UNC45A: variants seen among roughly 807,000 people sequenced by gnomAD.
The protein encoded by UNC45A is protein unc-45 homolog A.
A neutral mutation model predicts 103.2 loss-of-function variants in UNC45A; 78 were observed. That is an observed-to-expected ratio of 0.76 (90% CI 0.63 to 0.91). The LOEUF is 0.91. UNC45A is among the 40% of genes least tolerant of loss of function. The pLI, the probability that UNC45A is intolerant of heterozygous loss-of-function variation, is 0.00. For missense variants in UNC45A, 1,193 were observed against 1,224.8 expected (o/e 0.97, Z 0.39); for synonymous variants, 495 against 504.6 (o/e 0.98, Z 0.25).
At chr15:90,935,829 G>A in intron 2 of UNC45A, 117 bp from the exon 3 acceptor site, 1 of 1,554,632 alleles carries the variant, frequency 6.4e-7, no homozygotes, top group Non-Finnish European at 8.7e-7. Context: ...GATGTTTTTT[G>A]CACCTCAGGG....
At position 90,949,638 on chromosome 15, in the gene UNC45A, C is replaced by T. The variant is rs766402643; in HGVS notation, c.2007-16C>T. 18 of 1,613,768 alleles carry T rather than the reference C, an allele frequency of 1.1e-5. No homozygotes were observed. The highest frequency in any genetic ancestry group is 2.7e-5 in the African/African-American group (2 of 74,890). ...AGTCCCAGAGCTGCCTGCCCACCAC[C>T]GCCTTCTCCCCACAGGGTCTTCTTG... On this transcript the variant is annotated splice_polypyrimidine_tract_variant and intron_variant, in intron 14 of 19. Coordinates refer to ENST00000418476, the MANE Select transcript of UNC45A (RefSeq NM_018671.5).
At chr15:90,952,108 G>A (rs2036947688) in intron 17 of UNC45A, 1 of 152,308 alleles carries the variant, frequency 6.6e-6, no homozygotes, top group Non-Finnish European at 1.5e-5. Flanking sequence ...CATTGCCAAG[G>A]GAAATCCTCA....
intron 5 of UNC45A, 45 bp from the exon 6 acceptor site, chr15:90,940,261 T>C (rs1343764202): frequency 6.3e-7 from 1 of 1,578,136 alleles, no homozygotes; most frequent in Non-Finnish European, 8.6e-7. Flanking sequence ...CTGCATCCTA[T>C]GCCGTGTGCA....
chr15:90,938,683 A>G (rs765978538), intron 4 of UNC45A, among the ~76,000 whole-genome samples: 121 of 151,788 alleles, frequency 8.0e-4, no homozygotes, highest in African/African-American at 2.3e-3. Context: ...TTATTTATTT[A>G]TTTGTTTGTT....
intron 3 of UNC45A, 105 bp from the exon 4 acceptor site, chr15:90,936,179 TC>T (rs1421474771): frequency 1.3e-6 from 2 of 1,527,390 alleles, no homozygotes; most frequent in Non-Finnish European, 1.8e-6. Flanking sequence ...AGCCCCACAT[TC>T]GTCCCCCCCA....
chr15:90,936,662 C>G (rs974541926), intron 4 of UNC45A, among the ~76,000 whole-genome samples: 1 of 152,172 alleles, frequency 6.6e-6, no homozygotes, highest in Admixed American at 6.5e-5. Flanking sequence ...GTACACTTTT[C>G]GAGAAGGAGA....
In UNC45A at chr15:90,946,864, G is replaced by T; in HGVS notation, c.1450G>T (p.Asp484Tyr). ...ITANGVSLLK[D>Y]LYKCSEKDSI... ...TGCCAATGGTGTCTCGCTGCTGAAGGACCTATATAAGTGCAGCGAGAAGGA... is the reference window on the plus strand; with the variant it reads ...TGCCAATGGTGTCTCGCTGCTGAAGTACCTATATAAGTGCAGCGAGAAGGA... The change falls in exon 10 of 20, where the codon GAC becomes TAC. Residue 484 changes from aspartate to tyrosine, a missense_variant. By Grantham distance (160) the Asp-to-Tyr change is radical. Transcript: ENST00000418476. 6.6e-7 allele frequency: 1 copy of T among 1,513,460 alleles called. No homozygotes were observed. Among genetic ancestry groups the T allele is most frequent in the South Asian group, 1.1e-5 (1 of 90,116 alleles). 93.8% of individuals were successfully genotyped at this position (1,513,460 alleles called of 1,614,324 possible).
intron 7 of UNC45A, 117 bp from the exon 8 acceptor site, chr15:90,942,795 G>C: frequency 6.7e-7 from 1 of 1,494,194 alleles, no homozygotes; most frequent in Non-Finnish European, 9.1e-7. Flanking sequence ...AGCTCAGTCT[G>C]GAGCCTGGGA....
chr15:90,950,098 T>C (rs1367924459), intron 15 of UNC45A, 56 bp from the exon 16 acceptor site: 2 of 1,514,212 alleles, frequency 1.3e-6, no homozygotes, highest in East Asian at 2.5e-5. Flanking sequence ...GGGAGCCCGA[T>C]GGTCGGGGTC....
intron 14 of UNC45A, 41 bp downstream of exon 14, chr15:90,949,484 G>A (rs747533941): frequency 1.2e-6 from 2 of 1,610,082 alleles, no homozygotes; most frequent in Non-Finnish European, 1.7e-6. Flanking sequence ...CCCAACTCCT[G>A]AGCCTCAGGG....
At chr15:90,944,625 A>T (rs1202695471) in intron 8 of UNC45A, among the ~76,000 whole-genome samples, 2 of 152,080 alleles carry the variant, frequency 1.3e-5, no homozygotes, top group East Asian at 3.9e-4. Flanking sequence ...AGTTTTACAG[A>T]TGAGGAACCT....
chr15:90,940,631 G>T (rs73494529), intron 6 of UNC45A, 158 bp downstream of exon 6: 1 of 881,506 alleles, frequency 1.1e-6, no homozygotes, highest in African/African-American at 1.7e-5. Context: ...AAAGAACTTA[G>T]GTAGGTTATG....
At position 90,948,276 on chromosome 15, in the gene UNC45A, T is replaced by G; in HGVS notation, c.1730T>G (p.Leu577Arg). The G allele has an allele frequency of 1.9e-6, 3 of 1,613,780 alleles. No homozygotes were observed. The highest frequency in any genetic ancestry group is 2.5e-6 in the Non-Finnish European group (3 of 1,180,036). The change falls in exon 12 of 20, where the codon CTC becomes CGC. Residue 577 changes from leucine to arginine, a missense_variant. By Grantham distance (102) the Leu-to-Arg change is moderately radical. Transcript: ENST00000418476. ...DAAALKALFQLSRLEERSVLF... is the reference protein window; with the variant it reads ...DAAALKALFQRSRLEERSVLF... ...GCTGCTCTGAAAGCTCTGTTCCAGC[T>G]CAGCAGGGTAGCTCTGTGGTTCCTG...
At chr15:90,932,739 C>A (rs2035850069), upstream of UNC45A, 1 of 396,904 alleles carries the variant, frequency 2.5e-6, no homozygotes, top group Non-Finnish European at 4.4e-6. Context: ...GCATCGCAGC[C>A]CCCAGCTCAG....
In UNC45A at chr15:90,942,458, C is replaced by A; in HGVS notation, c.709C>A (p.Leu237Met). 2 of 1,613,502 alleles carry A rather than the reference C, an allele frequency of 1.2e-6. No individual in the cohort carries two copies. The highest frequency in any genetic ancestry group is 1.7e-6 in the Non-Finnish European group (2 of 1,179,704). Residue 237 changes from leucine to methionine, a missense_variant, in exon 7 of 20, where the codon CTG (leucine) becomes ATG (methionine). Leu to Met is a conservative substitution (Grantham distance 15, BLOSUM62 2). Coordinates refer to ENST00000418476, the MANE Select transcript of UNC45A (RefSeq NM_018671.5). ...QSRTVATLSILGTRRVVSILG... is the reference protein window; with the variant it reads ...QSRTVATLSIMGTRRVVSILG... ...CCAGACAGTGGCAACCCTGAGCATA[C>A]TGGGAACTCGGCGAGTAGTCTCCAT...
upstream of UNC45A, chr15:90,932,275 T>C (rs1212754161): frequency 2.4e-6 from 2 of 844,036 alleles, no homozygotes; most frequent in Non-Finnish European, 3.6e-6. Context: ...GGAACGATCA[T>C]GCCTACCGTT....
At chr15:90,951,749 C>A (rs1167657820) in intron 17 of UNC45A, among the ~76,000 whole-genome samples, 1 of 152,032 alleles carries the variant, frequency 6.6e-6, no homozygotes, top group African/African-American at 2.4e-5. Flanking sequence ...TACCCCTGAA[C>A]TTAACAGTTG....
chr15:90,936,395 T>C lies in UNC45A; in HGVS notation c.361T>C (p.Leu121=). The C allele has an allele frequency of 1.2e-6, 2 of 1,614,184 alleles. No homozygotes were observed. The highest frequency in any genetic ancestry group is 1.3e-5 in the African/African-American group (1 of 75,048). Residue 121 remains leucine (L), a synonymous_variant, in exon 4 of 20, where the codon TTG becomes CTG. Transcript: ENST00000418476. ...AVLDLQRCVS[L]EPKNKVFQEA... is the part of the protein sequence containing the mutation. ...CCTTGACCTGCAGAGATGTGTGAGC[T>C]TGGAGCCCAAGAACAAAGTTTTCCA...
chr15:90,947,433 CTG>C (rs983059468), intron 10 of UNC45A: 20 of 296,104 alleles, frequency 6.8e-5, no homozygotes, highest in African/African-American at 3.2e-4. Flanking sequence ...AAGGATTTGG[CTG>C]TGGCTGAAGC....
Sources: allele counts gnomAD v4.1 joint callset (sites outside exome capture counted in the v4.1 genomes callset), GRCh38; gene constraint gnomAD v4.1.1; transcripts MANE v1.5; gene names NCBI Gene and HGNC (gene_info 2026-07-23, HGNC 2026-07-21).